The following TDRP variants were observed in gnomAD, a reference collection of about 807,000 sequenced individuals.
The protein encoded by TDRP is testis development related protein.
A neutral mutation model predicts 10.5 loss-of-function variants in TDRP; 12 were observed. The ratio of observed to expected loss-of-function variants is 1.15; its 90% confidence interval spans 0.73 to 1.86. The LOEUF (loss-of-function observed/expected upper bound fraction) is 1.86, where lower values mean the gene tolerates loss of function less well. Ranked by LOEUF, TDRP falls within the 40% of genes most tolerant of loss-of-function variation. The pLI is 0.00. For synonymous variants in TDRP, 139 were observed against 95.4 expected (o/e 1.46, Z -2.67); for missense variants, 353 against 229.2 (o/e 1.54, Z -3.49).
intron 1 of TDRP, among the ~76,000 whole-genome samples, chr8:515,878 G>C (rs1228561685): frequency 1.3e-5 from 2 of 151,894 alleles, no homozygotes; most frequent in African/African-American, 2.4e-5. Flanking sequence ...GAGCATCAAA[G>C]AACGATTAGA....
At chr8:536,125 C>G (rs1184753205) in intron 1 of TDRP, among the ~76,000 whole-genome samples, 1 of 152,218 alleles carries the variant, frequency 6.6e-6, no homozygotes, top group Non-Finnish European at 1.5e-5. Context: ...GAAGATTATA[C>G]AGAGTAATAT....
chr8:536,972 G>A (rs555400144), intron 1 of TDRP, among the ~76,000 whole-genome samples: 16 of 152,268 alleles, frequency 1.1e-4, no homozygotes, highest in African/African-American at 3.9e-4. Context: ...AGAGTCCAAT[G>A]AGACTAACCC....
chr8:504,682 C>G (rs1199666842), intron 1 of TDRP, among the ~76,000 whole-genome samples: 1 of 152,168 alleles, frequency 6.6e-6, no homozygotes, highest in Non-Finnish European at 1.5e-5. Context: ...GTAAGAATCA[C>G]CAGGTTACAA....
intron 1 of TDRP, among the ~76,000 whole-genome samples, chr8:526,967 C>T (rs1802050739): frequency 6.6e-6 from 1 of 151,958 alleles, no homozygotes; most frequent in Admixed American, 6.6e-5. Context: ...AAGACTCAAC[C>T]AAATAGGGCA....
rs114491645 is a variant in TDRP, at chr8:503,560, G to T, written c.109-8963C>A. On this transcript the variant is annotated intron_variant, in intron 1 of 2. Transcript: ENST00000324079. ...ACTGGAACCAATGCCCACTCACCAT[G>T]CATCAACACAGAATCCAAAGCCACA... is the stretch of plus-strand genomic sequence containing the variant. Among the ~76,000 whole-genome samples, 1,093 of 139,536 alleles carry T rather than the reference G, an allele frequency of 7.8e-3. 13 individuals carry two copies. Among genetic ancestry groups the T allele is most frequent in the African/African-American group, 0.029 (1,016 of 34,674 alleles). The allele number at this position is 139,536 out of a possible 152,430, so 91.5% of individuals were successfully genotyped here. A position where few individuals can be genotyped will look rare whatever the true frequency, so the allele number is the denominator to read the frequency against.
At chr8:505,555 T>C (rs1296327946) in intron 1 of TDRP, among the ~76,000 whole-genome samples, 2 of 152,206 alleles carry the variant, frequency 1.3e-5, no homozygotes, top group Non-Finnish European at 2.9e-5. Flanking sequence ...ACTTAACCCA[T>C]GGCCAGGAGC....
At chr8:536,826 C>T (rs1158504401) in intron 1 of TDRP, among the ~76,000 whole-genome samples, 2 of 151,410 alleles carry the variant, frequency 1.3e-5, no homozygotes, top group Admixed American at 6.6e-5. Flanking sequence ...GAATCCGGAG[C>T]GAATAAGCAG....
At position 544,252 on chromosome 8, in the gene TDRP, G is replaced by A. The variant is rs1161871153; in HGVS notation, c.108+398C>T. On this transcript the variant is annotated intron_variant, in intron 1 of 2. Coordinates refer to ENST00000324079, the MANE Select transcript of TDRP (RefSeq NM_001384899.1). ...AGCTCCACCCGGGACGCGAGCACCC[G>A]GCGTGGACCTCTGCGTCCCGGGCCC... Among the ~76,000 whole-genome samples, 5 of 152,164 alleles carry A rather than the reference G, an allele frequency of 3.3e-5. No individual in the cohort carries two copies. The East Asian group carries it at 5.9e-4, about 18-fold the overall frequency.
chr8:512,329 A>G (rs760463836), intron 1 of TDRP, among the ~76,000 whole-genome samples: 48 of 152,106 alleles, frequency 3.2e-4, no homozygotes, highest in Non-Finnish European at 5.7e-4. Flanking sequence ...GCTCCTTGGG[A>G]GGCTGAGACA....
chr8:506,709 CCCAGCT>C (rs950697830), intron 1 of TDRP, among the ~76,000 whole-genome samples: 2 of 152,204 alleles, frequency 1.3e-5, no homozygotes, highest in Non-Finnish European at 2.9e-5. Context: ...TGTCCCCATC[CCCAGCT>C]CCAGAGTCTT....
chr8:542,785 C>T lies in TDRP; in HGVS notation c.108+1865G>A, dbSNP rs190916697. Among the ~76,000 whole-genome samples the T allele has an allele frequency of 2.6e-3, 386 of 150,912 alleles. 3 individuals carry two copies. Among genetic ancestry groups the T allele is most frequent in the Middle Eastern group, 6.8e-3 (2 of 292 alleles). On this transcript the variant is annotated intron_variant, in intron 1 of 2. Coordinates refer to ENST00000324079, the MANE Select transcript of TDRP (RefSeq NM_001384899.1). ...GGCTGAGGCAGGAGAATCACTTGAACCCGGGAGGGTGCAGTGAGCTGAGAT... is the reference window on the plus strand; with the variant it reads ...GGCTGAGGCAGGAGAATCACTTGAATCCGGGAGGGTGCAGTGAGCTGAGAT...
At chr8:506,681 C>T (rs1196074049) in intron 1 of TDRP, among the ~76,000 whole-genome samples, 8 of 152,196 alleles carry the variant, frequency 5.3e-5, no homozygotes, top group East Asian at 1.9e-4. Context: ...GACTGTCACT[C>T]GGAGAGCAGC....
chr8:532,180 G>A (rs945571443), intron 1 of TDRP, among the ~76,000 whole-genome samples: 16 of 152,154 alleles, frequency 1.1e-4, no homozygotes, highest in African/African-American at 3.9e-4. Flanking sequence ...TCTGTGAAGG[G>A]GAAACAGAGG....
At chr8:509,524 C>G (rs1160864661) in intron 1 of TDRP, among the ~76,000 whole-genome samples, 1 of 152,218 alleles carries the variant, frequency 6.6e-6, no homozygotes, top group Non-Finnish European at 1.5e-5. Flanking sequence ...TGAGCTGTAC[C>G]TTGGTACCTT....
intron 1 of TDRP, among the ~76,000 whole-genome samples, chr8:510,880 A>C (rs1231288217): frequency 6.6e-6 from 1 of 152,246 alleles, no homozygotes; most frequent in African/African-American, 2.4e-5. Flanking sequence ...TCTGAAAAGC[A>C]ATTGCATAGA....
chr8:540,396 C>G (rs17813535), intron 1 of TDRP, among the ~76,000 whole-genome samples: 4,125 of 152,216 alleles, frequency 0.027, 87 homozygotes, highest in East Asian at 0.093. Flanking sequence ...GAACACACAC[C>G]TATGTATCTG....
At chr8:507,001 T>A (rs1484766988) in intron 1 of TDRP, among the ~76,000 whole-genome samples, 1 of 152,158 alleles carries the variant, frequency 6.6e-6, no homozygotes, top group Non-Finnish European at 1.5e-5. Context: ...TGACTCACAG[T>A]TCTGCAAGCT....
chr8:519,709 G>A (rs1801848748), intron 1 of TDRP, among the ~76,000 whole-genome samples: 1 of 152,232 alleles, frequency 6.6e-6, no homozygotes, highest in South Asian at 2.1e-4. Flanking sequence ...AAAAGAGAGT[G>A]AAAAAATCTA....
chr8:499,221 A>G (rs566942584), intron 1 of TDRP, among the ~76,000 whole-genome samples: 19 of 147,852 alleles, frequency 1.3e-4, no homozygotes, highest in Admixed American at 6.6e-4. Context: ...AACTTCAAAC[A>G]ACGTTTTTGT....
Sources: gnomAD v4.1 joint callset for allele counts (sites outside exome capture counted in the v4.1 genomes callset) on GRCh38, gnomAD v4.1.1 for gene constraint, MANE v1.5 for transcripts, NCBI Gene and HGNC (gene_info 2026-07-23, HGNC 2026-07-21) for gene names.